Variants in JAKMIP2 observed in about 807,000 individuals in gnomAD.
JAKMIP2 encodes the protein janus kinase and microtubule interacting protein 2.
In JAKMIP2, 25 loss-of-function variants were observed where a neutral mutation model predicts 115.0. That is an observed-to-expected ratio of 0.22 (90% CI 0.16 to 0.30). The LOEUF is 0.30. Among genes scored for constraint, JAKMIP2 ranks in the 10% least tolerant of loss-of-function variants. JAKMIP2 has a pLI of 1.00. For synonymous variants in JAKMIP2, 334 were observed against 343.6 expected, an observed-to-expected ratio of 0.97 and a Z score of 0.31; for missense variants, 642 against 957.6, an observed-to-expected ratio of 0.67 and a Z score of 4.35.
Position 147,601,786 on chromosome 5 carries a change from G to T in JAKMIP2, c.2438C>A (p.Ser813Tyr). Reference protein sequence around the residue: ...EKFLFLFLFFSLAFILWP With the variant: ...EKFLFLFLFFYLAFILWP ...TCAAGGCCATAGAATAAAGGCAAGA[G>T]AGAAGAACAAGAATAGAAACAGAAA... The change falls in exon 21 of 22, where the codon TCT (serine) becomes TAT (tyrosine). Residue 813 changes from serine to tyrosine, a missense_variant. Ser to Tyr is a moderately radical substitution (Grantham distance 144). This residue lies in a region of JAKMIP2 where 26 missense variants were observed against 50.5 expected (regional missense o/e 0.51). Transcript: ENST00000616793. 1 of 1,492,606 alleles carries T rather than the reference G, an allele frequency of 6.7e-7. No homozygotes were observed. The highest frequency in any genetic ancestry group is 9.1e-7 in the Non-Finnish European group (1 of 1,100,842). 92.5% of individuals were successfully genotyped at this position (1,492,606 alleles called of 1,614,324 possible).
chr5:147,595,114 C>T (rs1243869901), intron 21 of JAKMIP2, among the ~76,000 whole-genome samples: 1 of 152,096 alleles, frequency 6.6e-6, no homozygotes, highest in Non-Finnish European at 1.5e-5. Flanking sequence ...TTCTATGTGC[C>T]AACTACTAAA....
chr5:147,730,088 T>C (rs975938003), intron 1 of JAKMIP2, among the ~76,000 whole-genome samples: 5 of 152,176 alleles, frequency 3.3e-5, no homozygotes, highest in African/African-American at 1.2e-4. Context: ...TCCTGGCACA[T>C]AGAAAATGCT....
Position 147,671,788 on chromosome 5 carries a change from T to A in JAKMIP2, c.19A>T (p.Asn7Tyr), listed in dbSNP as rs532447520. 1 of 1,585,708 alleles carries A rather than the reference T, an allele frequency of 6.3e-7. No homozygotes were observed. The highest frequency in any genetic ancestry group is 8.6e-7 in the Non-Finnish European group (1 of 1,165,650). The change falls in exon 2 of 22, where the codon AAT becomes TAT. Residue 7 changes from asparagine (N) to tyrosine (Y), a missense_variant. Around this residue, in one of 6 missense-constraint regions of JAKMIP2, gnomAD observed 439 missense variants for 570.9 expected, o/e 0.77. Coordinates refer to ENST00000616793, the MANE Select transcript of JAKMIP2 (RefSeq NM_001270941.2). MSKKGR[N>Y]KGEKPEALIV... Reference sequence around the variant, plus strand: ...AGTGCCTCGGGCTTCTCGCCCTTATTTCGCCCTTTCTTGGACATTGTTCCT... The same window carrying A: ...AGTGCCTCGGGCTTCTCGCCCTTATATCGCCCTTTCTTGGACATTGTTCCT...
chr5:147,625,009 T>C (rs58595614), intron 16 of JAKMIP2, among the ~76,000 whole-genome samples: 35,767 of 151,934 alleles, frequency 0.24, 5,471 homozygotes, highest in East Asian at 0.46. Flanking sequence ...GAGACAAAGT[T>C]TCACTCTGTC....
chr5:147,692,566 T>C (rs1751908486), intron 1 of JAKMIP2, among the ~76,000 whole-genome samples: 1 of 152,238 alleles, frequency 6.6e-6, no homozygotes. Flanking sequence ...TTTAAATCAA[T>C]ATTTATCTCT....
At chr5:147,629,473 A>G (rs1299348472) in intron 15 of JAKMIP2, among the ~76,000 whole-genome samples, 5 of 152,142 alleles carry the variant, frequency 3.3e-5, no homozygotes, top group African/African-American at 1.2e-4. Context: ...CCTGCCCGCA[A>G]AAAGCACTTT....
intron 15 of JAKMIP2, 37 bp from the exon 16 acceptor site, chr5:147,628,853 T>G (rs1321534738): frequency 1.1e-5 from 16 of 1,488,934 alleles, no homozygotes; most frequent in Non-Finnish European, 1.4e-5. Flanking sequence ...CTGAACATAC[T>G]GACATTATTT....
intron 1 of JAKMIP2, among the ~76,000 whole-genome samples, chr5:147,745,942 TAGG>T (rs1160820158): frequency 6.6e-6 from 1 of 152,212 alleles, no homozygotes; most frequent in African/African-American, 2.4e-5. Context: ...CATGGTTTAA[TAGG>T]AGTACAATAT....
chr5:147,712,628 C>T (rs968633089), intron 1 of JAKMIP2, among the ~76,000 whole-genome samples: 9 of 152,026 alleles, frequency 5.9e-5, no homozygotes, highest in African/African-American at 1.9e-4. Flanking sequence ...AATTGCTTTG[C>T]CAATATTGCT....
intron 10 of JAKMIP2, 122 bp downstream of exon 10, chr5:147,639,510 A>C: frequency 8.7e-7 from 1 of 1,151,476 alleles, no homozygotes. Flanking sequence ...TAACAATTCA[A>C]AAGCTGCAGA....
chr5:147,601,263 G>C lies in JAKMIP2; in HGVS notation c.*20+478C>G, dbSNP rs139376092. On this transcript the variant is annotated intron_variant, in intron 21 of 21. Transcript: ENST00000616793. ...CTATTTCTCAATTTATGGCATTTAT[G>C]CTAACCAAAGCAAGTGTGTTTGTAT... 1.4e-3 allele frequency among the ~76,000 whole-genome samples: 217 copies of C among 152,216 alleles called. 3 individuals carry two copies. The highest frequency in any genetic ancestry group is 5.1e-3 in the African/African-American group (213 of 41,544).
chr5:147,663,286 A>G (rs1759128087), intron 2 of JAKMIP2, among the ~76,000 whole-genome samples: 1 of 152,134 alleles, frequency 6.6e-6, no homozygotes, highest in African/African-American at 2.4e-5. Context: ...CATTTGAGTC[A>G]GTGGACTGGG....
intron 2 of JAKMIP2, among the ~76,000 whole-genome samples, chr5:147,667,892 A>T (rs1341978261): frequency 6.6e-6 from 1 of 152,188 alleles, no homozygotes. Flanking sequence ...TAGAGGCAAT[A>T]GATGCCTTGA....
At position 147,603,697 on chromosome 5, in the gene JAKMIP2, A is replaced by G. The variant is rs900105799; in HGVS notation, c.2413-1886T>C. ...ACCATATGTGAAATATGCAAGGTTG[A>G]TAATTAGATCCTTATTTTCTTTGAA... On this transcript the variant is annotated intron_variant, in intron 20 of 21. Coordinates refer to ENST00000616793, the MANE Select transcript of JAKMIP2 (RefSeq NM_001270941.2). 4.6e-5 allele frequency among the ~76,000 whole-genome samples: 7 copies of G among 152,204 alleles called. No individual in the cohort carries two copies. The East Asian group carries it at 1.2e-3, about 25-fold the overall frequency.
chr5:147,658,385 G>A (rs1352782229), intron 3 of JAKMIP2, among the ~76,000 whole-genome samples: 1 of 152,194 alleles, frequency 6.6e-6, no homozygotes, highest in Non-Finnish European at 1.5e-5. Context: ...TCCTCTGGAA[G>A]CTTCATCTTA....
Position 147,628,823 on chromosome 5 carries a change from A to G in JAKMIP2, c.1930-7T>C. The G allele has an allele frequency of 6.2e-7, 1 of 1,610,856 alleles. No homozygotes were observed. Among genetic ancestry groups the G allele is most frequent in the Non-Finnish European group, 8.5e-7 (1 of 1,177,558 alleles). On this transcript the variant is annotated splice_polypyrimidine_tract_variant and splice_region_variant and intron_variant, in intron 15 of 21. Transcript: ENST00000616793. Reference sequence around the variant, plus strand: ...GTTCTTCATTTCTTAAATTCTGTAAAAAATAAGAAAGGCCGTCAGCTGAAC... The same window carrying G: ...GTTCTTCATTTCTTAAATTCTGTAAGAAATAAGAAAGGCCGTCAGCTGAAC...
chr5:147,731,594 C>T lies in JAKMIP2; in HGVS notation c.-149+50862G>A, dbSNP rs1041079248. ...GGAAGAAGACCTTTGGATTTACAGT[C>T]CCAGCAAGCACAGCAATGCCTTATT... is the stretch of plus-strand genomic sequence containing the variant. On this transcript the variant is annotated intron_variant, in intron 1 of 21. Transcript: ENST00000616793. Among the ~76,000 whole-genome samples, 5 of 152,138 alleles carry T rather than the reference C, an allele frequency of 3.3e-5. No individual in the cohort carries two copies. The East Asian group carries it at 9.6e-4, about 29-fold the overall frequency.
intron 21 of JAKMIP2, among the ~76,000 whole-genome samples, chr5:147,598,047 G>A (rs1755485992): frequency 1.3e-5 from 2 of 151,668 alleles, no homozygotes; most frequent in African/African-American, 4.9e-5. Flanking sequence ...CGCCCAGGCT[G>A]GAATGCAATG....
intron 20 of JAKMIP2, among the ~76,000 whole-genome samples, chr5:147,604,913 T>C (rs543377018): frequency 6.6e-6 from 1 of 151,536 alleles, no homozygotes; most frequent in African/African-American, 2.4e-5. Context: ...GCCATGGTGG[T>C]TTGCTGCACC....
Sources: gnomAD v4.1 joint callset for allele counts (sites outside exome capture counted in the v4.1 genomes callset) on GRCh38, gnomAD v4.1.1 for gene constraint, gnomAD v4.1.1 regional missense constraint, MANE v1.5 for transcripts, NCBI Gene and HGNC (gene_info 2026-07-23, HGNC 2026-07-21) for gene names.